The following ZNF570 variants were observed in gnomAD, a reference collection of about 807,000 sequenced individuals.
ZNF570 encodes zinc finger protein 570.
Under a neutral mutation model 14.2 loss-of-function variants are expected in ZNF570, and 8 were observed. The ratio of observed to expected loss-of-function variants is 0.56; its 90% CI spans 0.33 to 1.02. ZNF570 has a LOEUF of 1.02. Ranked by LOEUF, ZNF570 falls within the 50% of genes least tolerant of loss-of-function variation. The probability of loss-of-function intolerance (pLI) is 0.03; values close to 1 mark genes in which losing one functional copy is unlikely to be tolerated. For synonymous variants in ZNF570, 202 were observed against 207.6 expected (o/e 0.97, Z 0.23); for missense variants, 559 against 624.9 (o/e 0.89, Z 1.12).
At position 37,485,431 on chromosome 19, in the gene ZNF570, A is replaced by C. The variant is rs1317654229; in HGVS notation, c.*198A>C. 1.8e-6 allele frequency: 1 copy of C among 548,042 alleles called. No individual in the cohort carries two copies. The highest frequency in any genetic ancestry group is 3.3e-5 in the East Asian group (1 of 30,448). 33.9% of individuals were successfully genotyped at this position (548,042 alleles called of 1,614,324 possible). On this transcript the variant is annotated 3_prime_UTR_variant, in exon 5 of 5. Coordinates refer to ENST00000330173, the MANE Select transcript of ZNF570 (RefSeq NM_144694.5). ...TTTTCTTTTTTTTTCTTTTTGAGAC[A>C]ATGTCTTGCTGTGTTGCCCAGGCTG...
chr19:37,478,713 T>C lies in ZNF570; in HGVS notation c.256+2279T>C, dbSNP rs935364440. 1.5e-4 allele frequency among the ~76,000 whole-genome samples: 22 copies of C among 151,352 alleles called. 2 individuals are homozygous for C. Among genetic ancestry groups the C allele is most frequent in the African/African-American group, 3.9e-4 (16 of 41,380 alleles). Reference sequence around the variant, plus strand: ...TTCATTCCTGTTTGCTAGAGTTTCATTGTGGAAAGCTTTTGAGTTTTAACA... The same window carrying C: ...TTCATTCCTGTTTGCTAGAGTTTCACTGTGGAAAGCTTTTGAGTTTTAACA... On this transcript the variant is annotated intron_variant, in intron 4 of 4. Coordinates refer to ENST00000330173, the MANE Select transcript of ZNF570 (RefSeq NM_144694.5).
At chr19:37,482,815 TTC>T (rs35690455) in intron 4 of ZNF570, among the ~76,000 whole-genome samples, 4,679 of 141,060 alleles carry the variant, frequency 0.033, 184 homozygotes, top group African/African-American at 0.089. Flanking sequence ...TTCCCCTGCT[TTC>T]TCTCTCTCTC....
At position 37,473,729 on chromosome 19, in the gene ZNF570, G is replaced by A. The variant is rs193042272; in HGVS notation, c.34-2152G>A. Among the ~76,000 whole-genome samples the A allele has an allele frequency of 2.5e-3, 384 of 152,258 alleles. 1 individual carries two copies. The highest frequency in any genetic ancestry group is 0.013 in the Admixed American group (192 of 15,298). ...GAGAGGGGTCAGAGAACTAAGAGGC[G>A]AGGTTGTGGGGAGTATTATTTATGT... is the stretch of plus-strand genomic sequence containing the variant. On this transcript the variant is annotated intron_variant, in intron 2 of 4. Transcript: ENST00000330173.
At chr19:37,481,003 A>G (rs1421116983) in intron 4 of ZNF570, among the ~76,000 whole-genome samples, 1 of 151,872 alleles carries the variant, frequency 6.6e-6, no homozygotes, top group Non-Finnish European at 1.5e-5. Flanking sequence ...CCTGTTCACC[A>G]TTCTGTCCCA....
In ZNF570 at chr19:37,476,390, C is replaced by A. The variant is rs754903983; in HGVS notation, c.212C>A (p.Ala71Glu). The change falls in exon 4 of 5, where the codon GCA becomes GAA. Residue 71 changes from alanine to glutamate, a missense_variant. By Grantham distance (107) the Ala-to-Glu change is moderately radical (BLOSUM62 -1). Transcript: ENST00000330173. ...SVILLLEQGK[A>E]PWMVKRELTK... ...ATATTATTGTTGGAACAAGGAAAAG[C>A]ACCCTGGATGGTGAAGAGAGAGCTG... 2 of 1,613,992 alleles carry A rather than the reference C, an allele frequency of 1.2e-6. No homozygotes were observed. The highest frequency in any genetic ancestry group is 2.2e-5 in the South Asian group (2 of 91,080).
chr19:37,472,051 C>T (rs1445525583), intron 2 of ZNF570, among the ~76,000 whole-genome samples: 1 of 151,796 alleles, frequency 6.6e-6, no homozygotes, highest in Non-Finnish European at 1.5e-5. Flanking sequence ...TGAGTACAGG[C>T]ACGTGCCACC....
intron 4 of ZNF570, among the ~76,000 whole-genome samples, chr19:37,480,117 T>G (rs1048229875): frequency 6.6e-6 from 1 of 152,232 alleles, no homozygotes; most frequent in African/African-American, 2.4e-5. Flanking sequence ...ACTGGTTACC[T>G]TAGAAAATCT....
chr19:37,470,138 A>T, intron 1 of ZNF570, 166 bp from the exon 2 acceptor site: 1 of 565,234 alleles, frequency 1.8e-6, no homozygotes, highest in Non-Finnish European at 3.1e-6. Context: ...GAAATGATTT[A>T]GGCATCAGTT....
At chr19:37,470,201 G>T in intron 1 of ZNF570, 103 bp from the exon 2 acceptor site, 1 of 1,004,880 alleles carries the variant, frequency 1.0e-6, no homozygotes, top group East Asian at 2.5e-5. Context: ...TCTATTGGAG[G>T]GAAGGTTGCA....
chr19:37,470,565 G>A (rs1452725760), intron 2 of ZNF570, among the ~76,000 whole-genome samples, 178 bp downstream of exon 2: 2 of 152,060 alleles, frequency 1.3e-5, no homozygotes, highest in African/African-American at 4.8e-5. Context: ...GACCTGCAGG[G>A]CCCTGCATAA....
rs899780707 is a variant in ZNF570 at position 37,486,890 on chromosome 19, C to T, written c.*1657C>T. ...AAAAAAATCAATAAACATAGAAATT[C>T]ATGTGATCCCCTTAAATAGGCACCA... On this transcript the variant is annotated 3_prime_UTR_variant, in exon 5 of 5. Coordinates refer to ENST00000330173, the MANE Select transcript of ZNF570 (RefSeq NM_144694.5). The T allele has an allele frequency of 1.5e-4, 23 of 152,060 alleles. No homozygotes were observed. Among genetic ancestry groups the T allele is most frequent in the African/African-American group, 5.3e-4 (22 of 41,402 alleles). 9.4% of individuals were successfully genotyped at this position (152,060 alleles called of 1,614,324 possible). A position where few individuals can be genotyped will look rare whatever the true frequency, so the allele number is the denominator to read the frequency against.
At chr19:37,470,261 T>C (rs1192952893) in intron 1 of ZNF570, 43 bp from the exon 2 acceptor site, 1 of 1,583,852 alleles carries the variant, frequency 6.3e-7, no homozygotes, top group Non-Finnish European at 8.7e-7. Context: ...TTCTGGATGC[T>C]GCAAGAAAAG....
chr19:37,480,392 G>A (rs909683400), intron 4 of ZNF570, among the ~76,000 whole-genome samples: 1 of 152,106 alleles, frequency 6.6e-6, no homozygotes, highest in African/African-American at 2.4e-5. Flanking sequence ...GCTGAGGCAG[G>A]AGAATCGCTT....
chr19:37,481,912 A>C (rs1397304240), intron 4 of ZNF570, among the ~76,000 whole-genome samples: 1 of 152,184 alleles, frequency 6.6e-6, no homozygotes, highest in Non-Finnish European at 1.5e-5. Flanking sequence ...GCTAAAAGAA[A>C]GTTTTTCTAT....
chr19:37,473,953 G>A (rs931810021), intron 2 of ZNF570, among the ~76,000 whole-genome samples: 8 of 152,142 alleles, frequency 5.3e-5, no homozygotes, highest in African/African-American at 1.9e-4. Context: ...AGGAGGAAAT[G>A]GTTTGGAAAT....
rs4801803 is a variant in ZNF570 at position 37,476,021 on chromosome 19, C to T, written c.160+14C>T. The T allele has an allele frequency of 0.18, 279,672 of 1,585,354 alleles. 26,772 individuals are homozygous for T. The highest frequency in any genetic ancestry group is 0.3 in the South Asian group (25,593 of 86,132). ...TGGTATCACTGGGTAAGGATATCTT[C>T]TTGCAAAACTGAGCTTCTGCTCAAA... On this transcript the variant is annotated intron_variant, in intron 3 of 4. Coordinates refer to ENST00000330173, the MANE Select transcript of ZNF570 (RefSeq NM_144694.5).
At chr19:37,480,781 C>T (rs7255785) in intron 4 of ZNF570, among the ~76,000 whole-genome samples, 40,750 of 151,598 alleles carry the variant, frequency 0.27, 6,611 homozygotes, top group African/African-American at 0.45. Flanking sequence ...GGTGAAACCC[C>T]GTCTCTACAA....
Position 37,476,452 on chromosome 19 carries a change from T to G in ZNF570, c.256+18T>G, listed in dbSNP as rs1316109649. The G allele has an allele frequency of 6.2e-7, 1 of 1,609,936 alleles. No homozygotes were observed. Among genetic ancestry groups the G allele is most frequent in the Admixed American group, 1.7e-5 (1 of 59,300 alleles). On this transcript the variant is annotated intron_variant, in intron 4 of 4. Coordinates refer to ENST00000330173, the MANE Select transcript of ZNF570 (RefSeq NM_144694.5). ...GTGCTCAGGTTAGTGAAGAGGAAAT[T>G]GGCAAAAATCTTTGCACGTGACAGC...
chr19:37,482,192 ACTC>A (rs1214575020), intron 4 of ZNF570, among the ~76,000 whole-genome samples: 1 of 152,142 alleles, frequency 6.6e-6, no homozygotes, highest in African/African-American at 2.4e-5. Context: ...ACCAGCTATT[ACTC>A]CTCTACTCAA....
Sources: allele counts gnomAD v4.1 joint callset (sites outside exome capture counted in the v4.1 genomes callset), GRCh38; gene constraint gnomAD v4.1.1; transcripts MANE v1.5; gene names NCBI Gene and HGNC (gene_info 2026-07-23, HGNC 2026-07-21).